Variants in ATP6V0D1 observed in about 807,000 individuals in gnomAD.
ATP6V0D1 encodes the protein V-type proton ATPase subunit d 1.
In ATP6V0D1, 13 loss-of-function variants were observed where a neutral mutation model predicts 39.0. That is an observed-to-expected ratio of 0.33 (90% CI 0.22 to 0.53). The LOEUF is 0.53. Among genes scored for constraint, ATP6V0D1 ranks in the 20% least tolerant of loss-of-function variants. The probability of loss-of-function intolerance (pLI) is 0.94; values close to 1 mark genes in which losing one functional copy is unlikely to be tolerated. For synonymous variants in ATP6V0D1, 191 were observed against 191.2 expected, an observed-to-expected ratio of 1.00 and a Z score of 0.01; for missense variants, 272 against 470.9, an observed-to-expected ratio of 0.58 and a Z score of 3.91.
chr16:67,443,292 A>G (rs1441653677), intron 3 of ATP6V0D1, 114 bp from the exon 4 acceptor site: 14 of 1,045,184 alleles, frequency 1.3e-5, no homozygotes, highest in Non-Finnish European at 2.0e-5. Context: ...AGGGCTGGGT[A>G]TTGAGGGGTC....
rs142102793 is a variant in ATP6V0D1, at chr16:67,460,156, G to A, written c.131-6441C>T. The stretch of plus-strand genomic sequence containing the variant: ...TCTGCAAGGGTGGCAGAGTCTTGGA[G>A]CCTGTTCTACCACTCCCCTGGGCCT... On this transcript the variant is annotated intron_variant, in intron 1 of 7. Transcript: ENST00000290949. Among the ~76,000 whole-genome samples, 6 of 152,322 alleles carry A rather than the reference G, an allele frequency of 3.9e-5. No homozygotes were observed. The East Asian group carries it at 1.2e-3, about 29-fold the overall frequency.
At chr16:67,440,684 T>A (rs1597567028) in intron 4 of ATP6V0D1, 1 of 152,134 alleles carries the variant, frequency 6.6e-6, no homozygotes, top group South Asian at 2.1e-4. Flanking sequence ...CCAAGAGAGA[T>A]GAGATGAGAC....
chr16:67,442,309 C>T (rs2041061901), intron 4 of ATP6V0D1, among the ~76,000 whole-genome samples: 1 of 152,222 alleles, frequency 6.6e-6, no homozygotes, highest in African/African-American at 2.4e-5. Flanking sequence ...CAGGGCCATC[C>T]TCAGCCCTGC....
chr16:67,470,841 T>G (rs916189928), intron 1 of ATP6V0D1, among the ~76,000 whole-genome samples: 1 of 152,092 alleles, frequency 6.6e-6, no homozygotes, highest in African/African-American at 2.4e-5. Context: ...GCCTGACTTC[T>G]AACCCTCTTC....
intron 1 of ATP6V0D1, among the ~76,000 whole-genome samples, chr16:67,473,727 A>G (rs1000006514): frequency 2.6e-5 from 4 of 152,024 alleles, no homozygotes; most frequent in Admixed American, 6.6e-5. Flanking sequence ...GTTTCACCGC[A>G]TTAGCCAGGA....
chr16:67,478,437 A>C (rs1384737058), intron 1 of ATP6V0D1, among the ~76,000 whole-genome samples: 2 of 152,102 alleles, frequency 1.3e-5, no homozygotes, highest in East Asian at 3.9e-4. Flanking sequence ...ATATGGCAAA[A>C]TCCTCTCTAC....
intron 2 of ATP6V0D1, among the ~76,000 whole-genome samples, chr16:67,450,745 T>C (rs1191476144): frequency 1.3e-5 from 2 of 152,126 alleles, no homozygotes; most frequent in African/African-American, 2.4e-5. Context: ...GCTTAGATAC[T>C]GAAGAGAAGA....
chr16:67,465,253 G>A (rs186122083), intron 1 of ATP6V0D1, among the ~76,000 whole-genome samples: 4 of 152,338 alleles, frequency 2.6e-5, no homozygotes, highest in East Asian at 3.9e-4. Flanking sequence ...CAGCCTGACC[G>A]TGTGGACCTG....
rs755844135 is a variant in ATP6V0D1 at position 67,444,805 on chromosome 16, CT to C, written c.303-100del. 7.0e-6 allele frequency: 8 copies of C among 1,144,768 alleles called. No homozygotes were observed. The highest frequency in any genetic ancestry group is 9.7e-6 in the Non-Finnish European group (8 of 826,722). The allele number at this position is 1,144,768 out of a possible 1,614,324, so 70.9% of individuals were successfully genotyped here. A position where few individuals can be genotyped will look rare whatever the true frequency, so the allele number is the denominator to read the frequency against. On this transcript the variant is annotated intron_variant, in intron 2 of 7. Coordinates refer to ENST00000290949, the MANE Select transcript of ATP6V0D1 (RefSeq NM_004691.5). This position sits in a 1 kb window ranked among gnomAD's most constrained non-coding sequence, Gnocchi z 4.8. ...CGCCCGCCTGCACAGGCCATCACCC[CT>C]TAACAATGTATGCTGACTCATGGGT...
chr16:67,458,662 T>A (rs891753751), intron 1 of ATP6V0D1, among the ~76,000 whole-genome samples: 1 of 152,154 alleles, frequency 6.6e-6, no homozygotes, highest in African/African-American at 2.4e-5. Flanking sequence ...AGTAAAAGAC[T>A]TCCTTGAAGG....
intron 2 of ATP6V0D1, chr16:67,445,705 G>A: frequency 3.0e-6 from 1 of 337,200 alleles, no homozygotes; most frequent in African/African-American, 2.1e-5. Flanking sequence ...AGAGGGGGCT[G>A]TGGAGCTGGG....
intron 2 of ATP6V0D1, among the ~76,000 whole-genome samples, chr16:67,449,599 C>G (rs1351584726): frequency 6.6e-6 from 1 of 152,240 alleles, no homozygotes; most frequent in African/African-American, 2.4e-5. Flanking sequence ...ACAGCTGCCT[C>G]ATGCCAGACA....
chr16:67,464,170 A>G (rs1321060303), intron 1 of ATP6V0D1, among the ~76,000 whole-genome samples: 2 of 152,230 alleles, frequency 1.3e-5, no homozygotes, highest in African/African-American at 4.8e-5. Flanking sequence ...TTCAAGTTTC[A>G]AGCTAGATCC....
intron 1 of ATP6V0D1, chr16:67,459,054 C>A: frequency 1.0e-6 from 1 of 985,738 alleles, no homozygotes; most frequent in Non-Finnish European, 1.2e-6. Flanking sequence ...TTCTGCCTCT[C>A]CCCCACAGCC....
intron 1 of ATP6V0D1, among the ~76,000 whole-genome samples, chr16:67,471,520 A>G (rs1228494847): frequency 6.6e-6 from 1 of 152,078 alleles, no homozygotes; most frequent in African/African-American, 2.4e-5. Flanking sequence ...AACATTCAAA[A>G]TCCTCTCTTA....
At chr16:67,457,300 G>A in intron 1 of ATP6V0D1, 2 of 295,414 alleles carry the variant, frequency 6.8e-6, no homozygotes, top group Non-Finnish European at 1.4e-5. Context: ...CCAGAGTTGG[G>A]GCATAGAGGG....
At chr16:67,466,701 G>T (rs777025787) in intron 1 of ATP6V0D1, among the ~76,000 whole-genome samples, 1 of 152,054 alleles carries the variant, frequency 6.6e-6, no homozygotes, top group Non-Finnish European at 1.5e-5. Flanking sequence ...GCTGGGCGTC[G>T]TGGTGCATGG....
At chr16:67,478,521 C>G (rs920043708) in intron 1 of ATP6V0D1, among the ~76,000 whole-genome samples, 1 of 149,690 alleles carries the variant, frequency 6.7e-6, no homozygotes, top group East Asian at 2.0e-4. Context: ...GGCTGAGGCA[C>G]GAGAATGGCT....
intron 1 of ATP6V0D1, among the ~76,000 whole-genome samples, chr16:67,460,193 C>T (rs896772860): frequency 2.6e-5 from 4 of 152,202 alleles, no homozygotes; most frequent in African/African-American, 4.8e-5. Flanking sequence ...GCTGAGAAGT[C>T]GGCTTCGAAG....
Sources: gnomAD v4.1 joint callset for allele counts (sites outside exome capture counted in the v4.1 genomes callset) on GRCh38, gnomAD v4.1.1 for gene constraint, Gnocchi (gnomAD v3.1) non-coding constraint, MANE v1.5 for transcripts, NCBI Gene and HGNC (gene_info 2026-07-23, HGNC 2026-07-21) for gene names.